The following RUNX2 variants were observed in gnomAD, a reference collection of about 807,000 sequenced individuals.
The protein encoded by RUNX2 is runt-related transcription factor 2.
A neutral mutation model predicts 51.7 loss-of-function variants in RUNX2; 10 were observed. The ratio of observed to expected loss-of-function variants is 0.19; its 90% CI spans 0.12 to 0.33. RUNX2 has a LOEUF of 0.33. Among genes scored for constraint, RUNX2 ranks in the 10% least tolerant of loss-of-function variants. The probability of loss-of-function intolerance (pLI) is 1.00; values close to 1 mark genes in which losing one functional copy is unlikely to be tolerated. For synonymous variants in RUNX2, 276 were observed against 273.6 expected (o/e 1.01, Z -0.09); for missense variants, 562 against 691.3 (o/e 0.81, Z 2.10).
chr6:45,420,097 C>T (rs182556581), intron 2 of RUNX2, among the ~76,000 whole-genome samples: 15 of 152,176 alleles, frequency 9.9e-5, no homozygotes, highest in Middle Eastern at 3.4e-3. Flanking sequence ...CCCCTGAACT[C>T]CATCCTTACC....
intron 5 of RUNX2, among the ~76,000 whole-genome samples, chr6:45,465,667 G>A (rs1346032049): frequency 8.1e-5 from 12 of 148,900 alleles, no homozygotes; most frequent in Non-Finnish European, 1.2e-4. Context: ...TTTTAGACAA[G>A]ATCTCATTTC....
intron 5 of RUNX2, among the ~76,000 whole-genome samples, chr6:45,490,037 C>T (rs531557995): frequency 1.8e-4 from 28 of 152,230 alleles, no homozygotes; most frequent in African/African-American, 6.3e-4. Flanking sequence ...GATGGTGCCA[C>T]GTGATGAATG....
intron 2 of RUNX2, among the ~76,000 whole-genome samples, chr6:45,412,155 C>CT (rs1797963599): frequency 7.0e-6 from 1 of 142,898 alleles, no homozygotes; most frequent in South Asian, 2.2e-4. Context: ...TGAGACTAGC[C>CT]TGGGCTACAT....
intron 2 of RUNX2, among the ~76,000 whole-genome samples, chr6:45,393,277 T>C (rs899507865): frequency 1.3e-5 from 2 of 152,164 alleles, no homozygotes; most frequent in African/African-American, 4.8e-5. Flanking sequence ...TCAAGTATGG[T>C]GTATTGGGTA....
chr6:45,400,644 C>CATGTATTTTTTTATTT (rs1797694558), intron 2 of RUNX2, among the ~76,000 whole-genome samples: 1 of 152,128 alleles, frequency 6.6e-6, no homozygotes, highest in Non-Finnish European at 1.5e-5. Flanking sequence ...TGGGTTCTTC[C>CATGTATTTTTTTATTT]CATTGTCTTA....
At chr6:45,330,560 T>A (rs539216617) in intron 2 of RUNX2, among the ~76,000 whole-genome samples, 1 of 152,092 alleles carries the variant, frequency 6.6e-6, no homozygotes, top group East Asian at 1.9e-4. Context: ...GTATTAGAAG[T>A]AAAGTTATCA....
chr6:45,512,775 A>G (rs1048172260), intron 7 of RUNX2, among the ~76,000 whole-genome samples: 4 of 152,024 alleles, frequency 2.6e-5, no homozygotes, highest in South Asian at 2.1e-4. Context: ...ACATCTGCCT[A>G]TAAACAAGAT....
chr6:45,539,333 C>T (rs1802146656), intron 7 of RUNX2, among the ~76,000 whole-genome samples: 1 of 152,066 alleles, frequency 6.6e-6, no homozygotes, highest in African/African-American at 2.4e-5. Flanking sequence ...CATTACAACA[C>T]AGAAAACAAA....
intron 5 of RUNX2, among the ~76,000 whole-genome samples, chr6:45,457,928 A>G (rs995947805): frequency 6.6e-6 from 1 of 152,150 alleles, no homozygotes; most frequent in African/African-American, 2.4e-5. Context: ...ATGACAAGGA[A>G]GCTCACAGGC....
At chr6:45,470,203 T>G (rs1332625731) in intron 5 of RUNX2, among the ~76,000 whole-genome samples, 1 of 152,216 alleles carries the variant, frequency 6.6e-6, no homozygotes, top group Non-Finnish European at 1.5e-5. Context: ...TGTTTATAAT[T>G]TTTTCTGAAG....
At chr6:45,504,636 A>G (rs1251148412) in intron 6 of RUNX2, among the ~76,000 whole-genome samples, 1 of 150,408 alleles carries the variant, frequency 6.6e-6, no homozygotes, top group Non-Finnish European at 1.5e-5. Flanking sequence ...TTGTTTTGAA[A>G]TGGGAATCTC....
chr6:45,333,649 CA>C (rs1226950206), intron 2 of RUNX2, among the ~76,000 whole-genome samples: 6 of 151,206 alleles, frequency 4.0e-5, no homozygotes, highest in African/African-American at 1.5e-4. Flanking sequence ...AAAAAACAAT[CA>C]TTTTTTATAT....
chr6:45,378,508 T>TAAA (rs1048249201), intron 2 of RUNX2, among the ~76,000 whole-genome samples: 1 of 152,152 alleles, frequency 6.6e-6, no homozygotes, highest in Non-Finnish European at 1.5e-5. Flanking sequence ...AACCAGCTCT[T>TAAA]ACGCCGCTTC....
intron 2 of RUNX2, among the ~76,000 whole-genome samples, chr6:45,408,200 CT>C (rs1340313602): frequency 1.3e-5 from 2 of 151,216 alleles, no homozygotes; most frequent in Non-Finnish European, 2.9e-5. Flanking sequence ...GAGTCTCGCT[CT>C]GTCGCCCAGG....
intron 5 of RUNX2, among the ~76,000 whole-genome samples, chr6:45,456,751 A>G (rs1344914952): frequency 6.6e-6 from 1 of 152,206 alleles, no homozygotes; most frequent in Non-Finnish European, 1.5e-5. Context: ...TTCAGAAAAT[A>G]ATATATTCTG....
At chr6:45,401,923 G>A (rs1479613777) in intron 2 of RUNX2, among the ~76,000 whole-genome samples, 1 of 152,236 alleles carries the variant, frequency 6.6e-6, no homozygotes, top group African/African-American at 2.4e-5. Context: ...TGGTAATGTT[G>A]AGACCCAAAC....
chr6:45,375,780 G>C, intron 2 of RUNX2, among the ~76,000 whole-genome samples: 1 of 150,538 alleles, frequency 6.6e-6, no homozygotes, highest in East Asian at 2.0e-4. Context: ...TTTTTTATTT[G>C]TTCTTTTAGT....
chr6:45,515,337 T>C (rs774727631), intron 7 of RUNX2, among the ~76,000 whole-genome samples: 1 of 152,196 alleles, frequency 6.6e-6, no homozygotes, highest in African/African-American at 2.4e-5. Context: ...ATTTGTAAAA[T>C]AGGCATACAA....
rs1006637381 is a variant in RUNX2, at chr6:45,328,496, G to T, written c.-67+36G>T. On this transcript the variant is annotated intron_variant, in intron 1 of 8. Transcript: ENST00000647337. ...TCTAACCACAGTCTATGCAGTAATAGTAGGTCCTTCAAATATTTGCTCATT... is the reference window on the plus strand; with the variant it reads ...TCTAACCACAGTCTATGCAGTAATATTAGGTCCTTCAAATATTTGCTCATT... The T allele has an allele frequency of 3.3e-6, 5 of 1,520,860 alleles. No homozygotes were observed. The African/African-American group carries it at 5.6e-5, about 17-fold the overall frequency. The allele number at this position is 1,520,860 out of a possible 1,614,324, so 94.2% of individuals were successfully genotyped here.
Sources: allele counts gnomAD v4.1 joint callset (sites outside exome capture counted in the v4.1 genomes callset), GRCh38; gene constraint gnomAD v4.1.1; transcripts MANE v1.5; gene names NCBI Gene and HGNC (gene_info 2026-07-23, HGNC 2026-07-21).